TP63: variants seen among roughly 807,000 people sequenced by gnomAD.
TP63 encodes tumor protein p63, also known as tumor protein 63.
A neutral mutation model predicts 82.8 loss-of-function variants in TP63; 17 were observed. The ratio of observed to expected loss-of-function variants is 0.21; its 90% CI spans 0.14 to 0.31. TP63 has a LOEUF of 0.31. Ranked by LOEUF, TP63 falls within the 10% of genes least tolerant of loss-of-function variation. The probability of loss-of-function intolerance (pLI) is 1.00; values close to 1 mark genes in which losing one functional copy is unlikely to be tolerated. For synonymous variants in TP63, 330 were observed against 321.7 expected (o/e 1.03, Z -0.28); for missense variants, 648 against 895.3 (o/e 0.72, Z 3.52).
At chr3:189,726,173 A>G (rs1234649116) in intron 1 of TP63, among the ~76,000 whole-genome samples, 2 of 152,136 alleles carry the variant, frequency 1.3e-5, no homozygotes, top group African/African-American at 4.8e-5. Context: ...TTGTTCCTCC[A>G]TATGAACGTC....
the TP63 span, among the ~76,000 whole-genome samples, chr3:189,614,503 C>T: frequency 1.3e-5 from 2 of 151,840 alleles, no homozygotes; most frequent in South Asian, 2.2e-4. Context: ...ATTGACAGCA[C>T]CCCAGGCAAC....
At chr3:189,733,647 A>G (rs796512149) in intron 1 of TP63, among the ~76,000 whole-genome samples, 16 of 152,310 alleles carry the variant, frequency 1.1e-4, no homozygotes, top group African/African-American at 3.6e-4. Flanking sequence ...GACATTTGCT[A>G]TGATTGCATT....
At chr3:189,644,218 AC>A (rs1712191195) in intron 1 of TP63, among the ~76,000 whole-genome samples, 1 of 144,508 alleles carries the variant, frequency 6.9e-6, no homozygotes, top group Admixed American at 6.9e-5. Flanking sequence ...CCTCTCTCAT[AC>A]CCCCAGCTTG....
intron 1 of TP63, among the ~76,000 whole-genome samples, chr3:189,674,577 C>T (rs1293784094): frequency 6.6e-6 from 1 of 152,066 alleles, no homozygotes; most frequent in Non-Finnish European, 1.5e-5. Context: ...TTTCCCTTAG[C>T]CAGACAGAAA....
chr3:189,796,335 T>C (rs1725698152), intron 3 of TP63, among the ~76,000 whole-genome samples: 1 of 151,952 alleles, frequency 6.6e-6, no homozygotes, highest in African/African-American at 2.4e-5. Flanking sequence ...ATCAATATCC[T>C]CCCTTTCCAC....
intron 5 of TP63, 97 bp downstream of exon 5, chr3:189,864,515 T>C: frequency 1.9e-6 from 2 of 1,039,884 alleles, no homozygotes; most frequent in Non-Finnish European, 2.7e-6. Context: ...TTCAGACTTC[T>C]GCACTCCGAT....
intron 3 of TP63, among the ~76,000 whole-genome samples, chr3:189,783,621 T>C (rs930544318): frequency 1.3e-5 from 2 of 151,888 alleles, no homozygotes; most frequent in East Asian, 3.9e-4. Context: ...AAACCTTTAT[T>C]AATGAAGACA....
At chr3:189,870,988 C>T (rs1037287865) in intron 9 of TP63, among the ~76,000 whole-genome samples, 1 of 152,118 alleles carries the variant, frequency 6.6e-6, no homozygotes, top group Non-Finnish European at 1.5e-5. Flanking sequence ...CTGAGATTCC[C>T]AGTGTCTTGT....
rs545520479 is a variant in TP63 at position 189,686,795 on chromosome 3, A to G, written c.63-50945A>G. Reference sequence around the variant, plus strand: ...AGCCATGCTGGAGTGCAGTGGCACAATCTCAGCTCACTGCAACCTCTGCCA... The same window carrying G: ...AGCCATGCTGGAGTGCAGTGGCACAGTCTCAGCTCACTGCAACCTCTGCCA... On this transcript the variant is annotated intron_variant, in intron 1 of 13. Coordinates refer to ENST00000264731, the MANE Select transcript of TP63 (RefSeq NM_003722.5). Among the ~76,000 whole-genome samples the G allele has an allele frequency of 2.0e-5, 3 of 150,414 alleles. No homozygotes were observed. The South Asian group carries it at 6.3e-4, about 32-fold the overall frequency.
At chr3:189,812,829 G>A (rs1229465834) in intron 4 of TP63, among the ~76,000 whole-genome samples, 2 of 152,028 alleles carry the variant, frequency 1.3e-5, no homozygotes, top group African/African-American at 2.4e-5. Flanking sequence ...ACCTTTAGTT[G>A]TACTAAAGGT....
At chr3:189,845,700 G>A (rs1293189193) in intron 4 of TP63, among the ~76,000 whole-genome samples, 5 of 148,666 alleles carry the variant, frequency 3.4e-5, no homozygotes, top group Non-Finnish European at 7.4e-5. Flanking sequence ...TTGCAGACTC[G>A]GGAGGGCTTT....
intron 1 of TP63, among the ~76,000 whole-genome samples, chr3:189,643,800 C>A (rs1014197529): frequency 6.6e-6 from 1 of 152,106 alleles, no homozygotes; most frequent in African/African-American, 2.4e-5. Context: ...CTTTTCATTG[C>A]GGTGGACAGG....
intron 3 of TP63, among the ~76,000 whole-genome samples, chr3:189,741,790 T>C (rs1016874833): frequency 5.3e-5 from 8 of 152,236 alleles, no homozygotes; most frequent in Non-Finnish European, 1.0e-4. Context: ...GATATTTGAA[T>C]TGCAGAGAAT....
At position 189,808,382 on chromosome 3, in the gene TP63, G is replaced by T. The variant is rs546908184; in HGVS notation, c.435G>T (p.Ala145=). The change falls in exon 4 of 14, where the codon GCG becomes GCT. Residue 145 remains alanine (A), a synonymous_variant. Coordinates refer to ENST00000264731, the MANE Select transcript of TP63 (RefSeq NM_003722.5). The stretch of plus-strand genomic sequence containing the variant: ...ACCACGCGCAGAACAGCGTCACGGC[G>T]CCCTCGCCCTACGCACAGCCCAGCT... ...NTDHAQNSVT[A]PSPYAQPSST... 2 of 1,614,088 alleles carry T rather than the reference G, an allele frequency of 1.2e-6. No individual in the cohort carries two copies. The highest frequency in any genetic ancestry group is 1.3e-5 in the African/African-American group (1 of 74,996).
At chr3:189,830,852 G>T (rs2108704646) in intron 4 of TP63, among the ~76,000 whole-genome samples, 1 of 152,330 alleles carries the variant, frequency 6.6e-6, no homozygotes, top group South Asian at 2.1e-4. Context: ...TTGAAGAAGG[G>T]AATGAATATG....
At chr3:189,661,532 T>C (rs1713880808) in intron 1 of TP63, among the ~76,000 whole-genome samples, 1 of 152,120 alleles carries the variant, frequency 6.6e-6, no homozygotes, top group South Asian at 2.1e-4. Context: ...GCCTTTAGTT[T>C]TCTTTTTTCA....
intron 13 of TP63, 125 bp from the exon 14 acceptor site, chr3:189,894,081 A>T: frequency 8.0e-7 from 1 of 1,251,504 alleles, no homozygotes; most frequent in Non-Finnish European, 1.1e-6. Flanking sequence ...TTTATTTTCT[A>T]ATTTGTGGAT....
chr3:189,736,730 C>CT (rs1289095399), intron 1 of TP63, among the ~76,000 whole-genome samples: 1 of 152,048 alleles, frequency 6.6e-6, no homozygotes, highest in East Asian at 1.9e-4. Context: ...ATTCATAAAT[C>CT]TAATAGTATT....
chr3:189,603,057 A>G, the TP63 span, among the ~76,000 whole-genome samples: 2 of 152,230 alleles, frequency 1.3e-5, no homozygotes, highest in Non-Finnish European at 2.9e-5. Context: ...GAATGAGAGA[A>G]CGTCTAATGC....
Sources: allele counts gnomAD v4.1 joint callset (sites outside exome capture counted in the v4.1 genomes callset), GRCh38; gene constraint gnomAD v4.1.1; transcripts MANE v1.5; gene names NCBI Gene and HGNC (gene_info 2026-07-23, HGNC 2026-07-21).